Variants in FYB2 observed in about 807,000 individuals in gnomAD.
The protein encoded by FYB2 is FYN binding protein 2.
In FYB2, 103 loss-of-function variants were observed where a neutral mutation model predicts 94.1. The observed-to-expected ratio is 1.09, with a 90% CI of 0.93 to 1.29. The LOEUF is 1.29. FYB2 is among the 50% of genes most tolerant of loss of function. The pLI is 0.00. For missense variants in FYB2, 896 were observed against 841.5 expected, an observed-to-expected ratio of 1.06 and a Z score of -0.80; for synonymous variants, 293 against 287.9, an observed-to-expected ratio of 1.02 and a Z score of -0.18.
At chr1:56,797,018 T>C (rs1289284776) in intron 1 of FYB2, among the ~76,000 whole-genome samples, 1 of 152,088 alleles carries the variant, frequency 6.6e-6, no homozygotes, top group Non-Finnish European at 1.5e-5. Flanking sequence ...CAGGGAATTA[T>C]TAAATATATG....
chr1:56,775,995 T>C (rs1645867070), intron 4 of FYB2, among the ~76,000 whole-genome samples: 1 of 152,180 alleles, frequency 6.6e-6, no homozygotes, highest in African/African-American at 2.4e-5. Flanking sequence ...CATTCTACAG[T>C]TGAGGAAACT....
chr1:56,801,748 T>TTTCCCTA (rs1292607434), intron 1 of FYB2, among the ~76,000 whole-genome samples: 9 of 152,318 alleles, frequency 5.9e-5, no homozygotes, highest in African/African-American at 2.2e-4. Context: ...CCCATCTTCA[T>TTTCCCTA]TTCCCTATGT....
At chr1:56,755,075 T>A (rs1443855014) in intron 7 of FYB2, among the ~76,000 whole-genome samples, 2 of 152,046 alleles carry the variant, frequency 1.3e-5, no homozygotes, top group African/African-American at 4.8e-5. Flanking sequence ...CCATGCTTTT[T>A]AAAAATATAT....
chr1:56,735,103 C>T (rs988374337), intron 15 of FYB2, among the ~76,000 whole-genome samples: 8 of 152,054 alleles, frequency 5.3e-5, no homozygotes, highest in Non-Finnish European at 1.0e-4. Flanking sequence ...AGTTCCATTG[C>T]TGGGTATTAA....
chr1:56,825,797 C>T, the FYB2 span, among the ~76,000 whole-genome samples: 1,117 of 152,304 alleles, frequency 7.3e-3, 4 homozygotes, highest in Middle Eastern at 0.02. Context: ...TGAGGACTCA[C>T]AGTGACCCAC....
At chr1:56,794,733 A>T (rs1646355108) in intron 1 of FYB2, among the ~76,000 whole-genome samples, 1 of 152,010 alleles carries the variant, frequency 6.6e-6, no homozygotes, top group Admixed American at 6.6e-5. Context: ...TAATTTAACC[A>T]CACTTTCTCT....
At chr1:56,789,673 G>A (rs2100956608) in intron 2 of FYB2, among the ~76,000 whole-genome samples, 1 of 152,220 alleles carries the variant, frequency 6.6e-6, no homozygotes. Flanking sequence ...TTGTATCCCT[G>A]TAGCACATTG....
intron 5 of FYB2, among the ~76,000 whole-genome samples, chr1:56,759,910 A>G (rs955346885): frequency 4.6e-5 from 7 of 152,040 alleles, no homozygotes; most frequent in African/African-American, 7.2e-5. Context: ...GTGAAACACT[A>G]TCTCCACTAA....
In FYB2 at chr1:56,738,674, C is replaced by G. The variant is rs1569918657; in HGVS notation, c.1704-21G>C. 4.4e-6 allele frequency: 7 copies of G among 1,608,108 alleles called. No individual in the cohort carries two copies. In the East Asian group the frequency reaches 1.6e-4, roughly 36 times the overall value. On this transcript the variant is annotated intron_variant, in intron 13 of 19. Coordinates refer to ENST00000343433, the MANE Select transcript of FYB2 (RefSeq NM_001004303.5). ...ATGCACTGTTGATTGACAAAAGACA[C>G]AAAAGAGTTAAGGAAAAAAACCATG...
At chr1:56,731,376 C>T (rs1644706084) in intron 15 of FYB2, among the ~76,000 whole-genome samples, 1 of 152,018 alleles carries the variant, frequency 6.6e-6, no homozygotes, top group Admixed American at 6.6e-5. Flanking sequence ...GATGGGGTCC[C>T]ACTATGTTGC....
chr1:56,813,336 G>A (rs890405656), intron 1 of FYB2, among the ~76,000 whole-genome samples: 2 of 152,122 alleles, frequency 1.3e-5, no homozygotes, highest in Non-Finnish European at 2.9e-5. Flanking sequence ...AGGCAAAGGA[G>A]GAAGGGAAAA....
At chr1:56,766,188 C>T (rs1645619164) in intron 5 of FYB2, among the ~76,000 whole-genome samples, 1 of 152,142 alleles carries the variant, frequency 6.6e-6, no homozygotes, top group Admixed American at 6.5e-5. Context: ...AGCTGCTGAA[C>T]CAGAATCTAC....
chr1:56,816,979 C>T (rs758740569), intron 1 of FYB2, among the ~76,000 whole-genome samples: 1 of 152,032 alleles, frequency 6.6e-6, no homozygotes, highest in African/African-American at 2.4e-5. Context: ...GAGCCACCAA[C>T]CTCTCTTGCT....
chr1:56,722,798 T>G (rs1644510692), intron 17 of FYB2, among the ~76,000 whole-genome samples: 1 of 151,926 alleles, frequency 6.6e-6, no homozygotes, highest in Non-Finnish European at 1.5e-5. Context: ...AGCCTAAACT[T>G]TAACCATTTT....
At chr1:56,737,256 C>A (rs1398774165) in intron 14 of FYB2, 109 bp from the exon 15 acceptor site, 2 of 702,178 alleles carry the variant, frequency 2.8e-6, no homozygotes, top group South Asian at 2.0e-5. Context: ...ATCTTCAGGT[C>A]TGTTTTAGCA....
the FYB2 span, among the ~76,000 whole-genome samples, chr1:56,825,981 C>T: frequency 6.6e-6 from 1 of 152,206 alleles, no homozygotes; most frequent in African/African-American, 2.4e-5. Context: ...GATCCTTCAC[C>T]TCTCAAGTGC....
intron 4 of FYB2, among the ~76,000 whole-genome samples, chr1:56,776,349 G>GA (rs997425670): frequency 3.3e-5 from 5 of 152,226 alleles, no homozygotes; most frequent in African/African-American, 1.2e-4. Flanking sequence ...CCTATAAAAT[G>GA]AAAAATATTA....
Position 56,744,237 on chromosome 1 carries a change from TA to T in FYB2, c.1416del (p.Glu474LysfsTer5). 1.2e-6 allele frequency: 2 copies of T among 1,612,166 alleles called. No individual in the cohort carries two copies. Among genetic ancestry groups the T allele is most frequent in the South Asian group, 2.2e-5 (2 of 90,990 alleles). ...GAGACCCCTAGGTCTGGAGTTTCTT[TA>T]GTTGACTCCAAAACCTCCAGATGCC... is the stretch of plus-strand genomic sequence containing the variant. ...HCGHLEVLES[T>X]KETPDLGVSK... On this transcript the variant is annotated frameshift_variant, in exon 10 of 20. Transcript: ENST00000343433. LOFTEE classifies it high-confidence loss of function.
intron 7 of FYB2, among the ~76,000 whole-genome samples, chr1:56,754,345 C>G (rs1025480570): frequency 6.6e-6 from 1 of 151,972 alleles, no homozygotes; most frequent in Non-Finnish European, 1.5e-5. Context: ...TTTAGACATG[C>G]CTTCCACATC....
Sources: allele counts gnomAD v4.1 joint callset (sites outside exome capture counted in the v4.1 genomes callset), GRCh38; gene constraint gnomAD v4.1.1; transcripts MANE v1.5; gene names NCBI Gene and HGNC (gene_info 2026-07-23, HGNC 2026-07-21).